CLEC2L: variants seen among roughly 807,000 people sequenced by gnomAD.
CLEC2L encodes C-type lectin domain family 2 member L, also known as C-type lectin domain family 2, member L.
Under a neutral mutation model 23.6 loss-of-function variants are expected in CLEC2L, and 14 were observed. The ratio of observed to expected loss-of-function variants is 0.59; its 90% CI spans 0.39 to 0.93. CLEC2L has a LOEUF of 0.93. CLEC2L is among the 40% of genes least tolerant of loss of function. CLEC2L has a pLI of 0.00. For missense variants in CLEC2L, 264 were observed against 282.4 expected (o/e 0.93, Z 0.47); for synonymous variants, 114 against 121.3 (o/e 0.94, Z 0.40).
At chr7:139,527,697 G>A (rs1487825362) in intron 1 of CLEC2L, among the ~76,000 whole-genome samples, 1 of 152,160 alleles carries the variant, frequency 6.6e-6, no homozygotes, top group African/African-American at 2.4e-5. Flanking sequence ...CTGGGGGTAT[G>A]GGAGAGGGGA....
At chr7:139,535,577 G>A (rs1023410995) in intron 1 of CLEC2L, among the ~76,000 whole-genome samples, 3 of 152,068 alleles carry the variant, frequency 2.0e-5, no homozygotes, top group South Asian at 2.1e-4. Flanking sequence ...TATGTTTAAC[G>A]TCTAAAAGGG....
At chr7:139,527,665 A>G (rs556691605) in intron 1 of CLEC2L, among the ~76,000 whole-genome samples, 2 of 152,154 alleles carry the variant, frequency 1.3e-5, no homozygotes, top group African/African-American at 4.8e-5. Context: ...TGGCATTGAG[A>G]GTGGCAGTGG....
Position 139,542,025 on chromosome 7 carries a change from T to A in CLEC2L, c.437T>A (p.Phe146Tyr), listed in dbSNP as rs373707490. The A allele has an allele frequency of 2.5e-6, 4 of 1,610,586 alleles. No individual in the cohort carries two copies. The highest frequency in any genetic ancestry group is 3.4e-6 in the Non-Finnish European group (4 of 1,178,414). ...AVIQSQKELE[F>Y]MFKFTRREPW... is the part of the protein sequence containing the mutation. ...GTCCCTTTTTCCTCGGTGCAGGAATTTATGTTCAAGTTCACGCGGAGGGAG... is the reference window on the plus strand; with the variant it reads ...GTCCCTTTTTCCTCGGTGCAGGAATATATGTTCAAGTTCACGCGGAGGGAG... The change falls in exon 4 of 5, where the codon TTT (phenylalanine) becomes TAT (tyrosine). Residue 146 changes from phenylalanine (F) to tyrosine (Y), a missense_variant. By Grantham distance (22) the Phe-to-Tyr change is conservative. Coordinates refer to ENST00000422142, the MANE Select transcript of CLEC2L (RefSeq NM_001080511.4).
In CLEC2L at chr7:139,544,451, T is replaced by A; in HGVS notation, c.*109T>A. The A allele has an allele frequency of 1.3e-6, 1 of 758,284 alleles. No homozygotes were observed. The highest frequency in any genetic ancestry group is 2.2e-6 in the Non-Finnish European group (1 of 457,302). The allele number at this position is 758,284 out of a possible 1,614,324, so 47.0% of individuals were successfully genotyped here. ...GCCTGCCCTCTGCAAGGCGAAGCGG[T>A]GGGTGCGTGGCCTCCGCCCCAGGCC... On this transcript the variant is annotated 3_prime_UTR_variant, in exon 5 of 5. Coordinates refer to ENST00000422142, the MANE Select transcript of CLEC2L (RefSeq NM_001080511.4).
In CLEC2L at chr7:139,540,448, C is replaced by G; in HGVS notation, c.393C>G (p.His131Gln). The G allele has an allele frequency of 6.2e-7, 1 of 1,601,822 alleles. No individual in the cohort carries two copies. Among genetic ancestry groups the G allele is most frequent in the Non-Finnish European group, 8.5e-7 (1 of 1,174,492 alleles). The stretch of plus-strand genomic sequence containing the variant: ...CAGGCAGGCAGTACTGCCACACCCA[C>G]GAGGCGGTGCTGGCTGTGATTCAGA... ...WNTGRQYCHT[H>Q]EAVLAVIQSQ... The change falls in exon 3 of 5, where the codon CAC becomes CAG. Residue 131 changes from histidine (H) to glutamine (Q), a missense_variant. Coordinates refer to ENST00000422142, the MANE Select transcript of CLEC2L (RefSeq NM_001080511.4). The surrounding 1 kb of genome is among the most constrained non-coding windows in gnomAD (Gnocchi z 5.8).
chr7:139,523,901 C>A lies in CLEC2L; in HGVS notation c.-27C>A. On this transcript the variant is annotated 5_prime_UTR_variant, in exon 1 of 5. Transcript: ENST00000422142. This position sits in a 1 kb window ranked among gnomAD's most constrained non-coding sequence, Gnocchi z 4.1. ...GGCCCCGCACCCCGGTGCAGGAGCGCGGGCGCGGCGCGGCGGAGCGCCCCG... is the reference window on the plus strand; with the variant it reads ...GGCCCCGCACCCCGGTGCAGGAGCGAGGGCGCGGCGCGGCGGAGCGCCCCG... 2 of 978,364 alleles carry A rather than the reference C, an allele frequency of 2.0e-6. No homozygotes were observed. Among genetic ancestry groups the A allele is most frequent in the Non-Finnish European group, 2.4e-6 (2 of 826,802 alleles). The allele number at this position is 978,364 out of a possible 1,614,324, so 60.6% of individuals were successfully genotyped here. A position where few individuals can be genotyped will look rare whatever the true frequency, so the allele number is the denominator to read the frequency against.
rs1797700874 is a variant in CLEC2L at position 139,539,137 on chromosome 7, A to C, written c.266-1184A>C. On this transcript the variant is annotated intron_variant, in intron 2 of 4. Coordinates refer to ENST00000422142, the MANE Select transcript of CLEC2L (RefSeq NM_001080511.4). The surrounding 1 kb of genome is among the most constrained non-coding windows in gnomAD (Gnocchi z 4.1). Reference sequence around the variant, plus strand: ...GTCCTGGTCTACATTTTAATCAATCACTTGTATGAAAACAAACAAAAAGTA... The same window carrying C: ...GTCCTGGTCTACATTTTAATCAATCCCTTGTATGAAAACAAACAAAAAGTA... 1 of 152,152 alleles carries C rather than the reference A, an allele frequency of 6.6e-6. No homozygotes were observed. The highest frequency in any genetic ancestry group is 6.5e-5 in the Admixed American group (1 of 15,280). The allele number at this position is 152,152 out of a possible 1,614,324, so 9.4% of individuals were successfully genotyped here.
In CLEC2L at chr7:139,540,290, G is replaced by A. The variant is rs766263224; in HGVS notation, c.266-31G>A. ...AGAGTGGGACTCGGGCTGGGGGGGCGGGCAGGGCCGAGCTGGTCTCTTCCC... is the reference window on the plus strand; with the variant it reads ...AGAGTGGGACTCGGGCTGGGGGGGCAGGCAGGGCCGAGCTGGTCTCTTCCC... On this transcript the variant is annotated intron_variant, in intron 2 of 4. Coordinates refer to ENST00000422142, the MANE Select transcript of CLEC2L (RefSeq NM_001080511.4). This position sits in a 1 kb window ranked among gnomAD's most constrained non-coding sequence, Gnocchi z 5.8. 15 of 1,553,300 alleles carry A rather than the reference G, an allele frequency of 9.7e-6. No individual in the cohort carries two copies. Among genetic ancestry groups the A allele is most frequent in the African/African-American group, 1.4e-5 (1 of 73,610 alleles).
Position 139,540,109 on chromosome 7 carries a change from C to T in CLEC2L, c.266-212C>T. 1 of 553,292 alleles carries T rather than the reference C, an allele frequency of 1.8e-6. No homozygotes were observed. The highest frequency in any genetic ancestry group is 3.2e-6 in the Non-Finnish European group (1 of 310,206). 34.3% of individuals were successfully genotyped at this position (553,292 alleles called of 1,614,324 possible). ...CCAGGGGCTGCCCTGCTGTCACTTC[C>T]CGTCGTGATGATGCCCCTGCCAGGC... On this transcript the variant is annotated intron_variant, in intron 2 of 4. Coordinates refer to ENST00000422142, the MANE Select transcript of CLEC2L (RefSeq NM_001080511.4). The surrounding 1 kb of genome is among the most constrained non-coding windows in gnomAD (Gnocchi z 5.8).
In CLEC2L at chr7:139,534,202, G is replaced by A. The variant is rs909368201; in HGVS notation, c.191-2072G>A. On this transcript the variant is annotated intron_variant, in intron 1 of 4. Coordinates refer to ENST00000422142, the MANE Select transcript of CLEC2L (RefSeq NM_001080511.4). ...CTCAGAAAGAACTACCGGTAGCAGC[G>A]GTGGTGTCGGCAGCGGCTGTAGCAA... 15 of 779,470 alleles carry A rather than the reference G, an allele frequency of 1.9e-5. 1 individual carries two copies. Among genetic ancestry groups the A allele is most frequent in the Middle Eastern group, 4.5e-4 (2 of 4,400 alleles). The allele number at this position is 779,470 out of a possible 1,614,324, so 48.3% of individuals were successfully genotyped here. A position where few individuals can be genotyped will look rare whatever the true frequency, so the allele number is the denominator to read the frequency against.
intron 3 of CLEC2L, among the ~76,000 whole-genome samples, chr7:139,541,631 G>C (rs558068797): frequency 1.3e-5 from 2 of 152,206 alleles, no homozygotes; most frequent in Non-Finnish European, 2.9e-5. Flanking sequence ...CAACCAACCT[G>C]AGCATTGAGA....
At position 139,544,702 on chromosome 7, in the gene CLEC2L, C is replaced by A; in HGVS notation, c.*360C>A. On this transcript the variant is annotated 3_prime_UTR_variant, in exon 5 of 5. Transcript: ENST00000422142. ...GATCTCTCTCCGGCCCCCTAGAAGC[C>A]CTCTCCTCACTGCAGCCCTGGTGCT... 5.3e-6 allele frequency: 1 copy of A among 189,974 alleles called. No individual in the cohort carries two copies. 11.8% of individuals were successfully genotyped at this position (189,974 alleles called of 1,614,324 possible). A position where few individuals can be genotyped will look rare whatever the true frequency, so the allele number is the denominator to read the frequency against.
chr7:139,543,491 G>T (rs191192036), intron 4 of CLEC2L, among the ~76,000 whole-genome samples: 2 of 152,348 alleles, frequency 1.3e-5, no homozygotes, highest in East Asian at 1.9e-4. Context: ...AATGCCCTCT[G>T]TTGTGAGGGT....
At chr7:139,524,766 G>C (rs1172132906) in intron 1 of CLEC2L, among the ~76,000 whole-genome samples, 1 of 152,146 alleles carries the variant, frequency 6.6e-6, no homozygotes, top group East Asian at 1.9e-4. Flanking sequence ...AGCTACCGCC[G>C]GCGGCGTGTG....
At chr7:139,531,857 C>T (rs1797587486) in intron 1 of CLEC2L, among the ~76,000 whole-genome samples, 1 of 151,582 alleles carries the variant, frequency 6.6e-6, no homozygotes, top group Admixed American at 6.6e-5. Context: ...TTGCAGTGAG[C>T]TGAGATCATG....
In CLEC2L at chr7:139,528,512, G is replaced by A. The variant is rs141513259; in HGVS notation, c.190+4395G>A. On this transcript the variant is annotated intron_variant, in intron 1 of 4. Transcript: ENST00000422142. ...GGTGGCAGGCAAGAGAGTGTGTGCA[G>A]AGGAACTGCCCTTTATAAAACCATC... Among the ~76,000 whole-genome samples, 463 of 152,320 alleles carry A rather than the reference G, an allele frequency of 3.0e-3. 4 individuals carry two copies. Among genetic ancestry groups the A allele is most frequent in the African/African-American group, 0.01 (428 of 41,560 alleles).
intron 4 of CLEC2L, among the ~76,000 whole-genome samples, chr7:139,542,570 TC>T (rs1797751568): frequency 6.6e-6 from 1 of 152,192 alleles, no homozygotes; most frequent in Admixed American, 6.5e-5. Flanking sequence ...TGCGCCTCTG[TC>T]CCGGGCAGCC....
At position 139,526,661 on chromosome 7, in the gene CLEC2L, G is replaced by A. The variant is rs567212256; in HGVS notation, c.190+2544G>A. 3.3e-5 allele frequency among the ~76,000 whole-genome samples: 5 copies of A among 152,288 alleles called. No individual in the cohort carries two copies. The East Asian group carries it at 7.7e-4, about 23-fold the overall frequency. ...GAGCCTTCCATTGCCACAGGCTGGC[G>A]GGCTTTCCAACTTCCTGGACCATTT... On this transcript the variant is annotated intron_variant, in intron 1 of 4. Coordinates refer to ENST00000422142, the MANE Select transcript of CLEC2L (RefSeq NM_001080511.4).
intron 1 of CLEC2L, among the ~76,000 whole-genome samples, chr7:139,533,349 T>C (rs999942507): frequency 6.6e-6 from 1 of 152,166 alleles, no homozygotes; most frequent in Non-Finnish European, 1.5e-5. Context: ...AGGAGCAATG[T>C]TATTACTACT....
Sources: allele counts gnomAD v4.1 joint callset (sites outside exome capture counted in the v4.1 genomes callset), GRCh38; gene constraint gnomAD v4.1.1; non-coding constraint Gnocchi (gnomAD v3.1); transcripts MANE v1.5; gene names NCBI Gene and HGNC (gene_info 2026-07-23, HGNC 2026-07-21).